UPRT: variants seen among roughly 807,000 people sequenced by gnomAD.
UPRT encodes RP11-311P8.3.
UPRT carries 5 observed loss-of-function variants against 22.6 expected under a neutral mutation model. The ratio of observed to expected loss-of-function variants is 0.22; its 90% CI spans 0.12 to 0.47. The LOEUF is 0.47. Among genes scored for constraint, UPRT ranks in the 20% least tolerant of loss-of-function variants. UPRT has a pLI of 0.99. For missense variants in UPRT, 181 were observed against 239.9 expected, an observed-to-expected ratio of 0.75 and a Z score of 1.62; for synonymous variants, 77 against 87.7, an observed-to-expected ratio of 0.88 and a Z score of 0.68.
At chrX:75,169,206 T>G (rs2082220407) in intron 4 of UPRT, among the ~76,000 whole-genome samples, 1 of 112,246 alleles carries the variant, frequency 8.9e-6, no homozygotes, top group African/African-American at 3.2e-5. Context: ...GGGTTCCATA[T>G]TTTTGCAATT....
At chrX:75,241,884 C>T (rs1410290127) in intron 4 of UPRT, among the ~76,000 whole-genome samples, 2 of 110,153 alleles carry the variant, frequency 1.8e-5, no homozygotes, top group African/African-American at 6.6e-5. Flanking sequence ...GATACAAAGG[C>T]ATAAGAATGA....
intron 4 of UPRT, among the ~76,000 whole-genome samples, chrX:75,219,342 G>A (rs772470544): frequency 8.9e-6 from 1 of 112,276 alleles, no homozygotes; most frequent in South Asian, 3.7e-4. Context: ...GTAAAGAGGT[G>A]TGAATTCCAT....
intron 4 of UPRT, among the ~76,000 whole-genome samples, chrX:75,246,289 G>A (rs1464950065): frequency 5.9e-5 from 5 of 85,440 alleles, no homozygotes; most frequent in Admixed American, 4.8e-4. Flanking sequence ...GGTGTGTGAT[G>A]TTCCCCTTCC....
At chrX:75,231,575 A>C (rs1055015605) in intron 4 of UPRT, among the ~76,000 whole-genome samples, 45 of 112,054 alleles carry the variant, frequency 4.0e-4, no homozygotes, top group African/African-American at 1.4e-3. Flanking sequence ...AGATATAGGC[A>C]TCCAAATATA....
intron 4 of UPRT, among the ~76,000 whole-genome samples, chrX:75,183,781 G>A (rs2082279396): frequency 8.9e-6 from 1 of 112,273 alleles, no homozygotes; most frequent in Non-Finnish European, 1.9e-5. Flanking sequence ...CAGTGATGAT[G>A]AGCATTTTTT....
chrX:75,213,721 A>AT (rs2082385476), intron 4 of UPRT, among the ~76,000 whole-genome samples: 1 of 112,022 alleles, frequency 8.9e-6, no homozygotes, highest in Non-Finnish European at 1.9e-5. Context: ...GCAAAAAAAA[A>AT]GTATCAGGAT....
intron 4 of UPRT, among the ~76,000 whole-genome samples, chrX:75,189,582 T>A (rs2082307604): frequency 9.0e-6 from 1 of 111,495 alleles, no homozygotes; most frequent in African/African-American, 3.3e-5. Flanking sequence ...GACAGTGGGG[T>A]GTTAAACTCT....
chrX:75,241,721 C>A (rs1458420137), intron 4 of UPRT, among the ~76,000 whole-genome samples: 1 of 111,761 alleles, frequency 8.9e-6, no homozygotes, highest in Non-Finnish European at 1.9e-5. Flanking sequence ...GCATATATAT[C>A]ATGGAATTGT....
At chrX:75,236,464 G>A (rs1254974090) in intron 4 of UPRT, among the ~76,000 whole-genome samples, 1 of 111,246 alleles carries the variant, frequency 9.0e-6, no homozygotes, top group Admixed American at 9.5e-5. Flanking sequence ...AGTTCATATG[G>A]AACCAAAAAG....
intron 4 of UPRT, among the ~76,000 whole-genome samples, chrX:75,212,761 G>A (rs2082383293): frequency 9.0e-6 from 1 of 111,133 alleles, no homozygotes; most frequent in South Asian, 3.9e-4. Flanking sequence ...GACACAGGGA[G>A]GGGAACAACA....
intron 4 of UPRT, among the ~76,000 whole-genome samples, chrX:75,255,511 C>G (rs2082546807): frequency 9.0e-6 from 1 of 111,705 alleles, no homozygotes; most frequent in African/African-American, 3.3e-5. Flanking sequence ...CCCCACATCT[C>G]AATACTAACA....
chrX:75,271,356 C>A (rs2082607487), upstream of UPRT, among the ~76,000 whole-genome samples: 2 of 111,595 alleles, frequency 1.8e-5, no homozygotes, highest in Admixed American at 1.9e-4. Context: ...ATACAGCCAA[C>A]TGATCTTCGA....
chrX:75,242,720 A>G (rs958768788), intron 4 of UPRT, among the ~76,000 whole-genome samples: 1 of 111,223 alleles, frequency 9.0e-6, no homozygotes, highest in African/African-American at 3.3e-5. Flanking sequence ...AACATATTGC[A>G]TAGAAAATAG....
chrX:75,264,498 G>C (rs1202687599), intron 4 of UPRT, among the ~76,000 whole-genome samples: 3 of 111,048 alleles, frequency 2.7e-5, no homozygotes, highest in Non-Finnish European at 5.7e-5. Flanking sequence ...TGTCTCTTTT[G>C]ATCTTTGTTG....
intron 4 of UPRT, among the ~76,000 whole-genome samples, chrX:75,235,487 A>G (rs758852883): frequency 8.9e-6 from 1 of 111,939 alleles, no homozygotes; most frequent in East Asian, 2.8e-4. Flanking sequence ...ACAACCAATA[A>G]AGAGAATTTT....
chrX:75,278,767 A>C (rs915064603), intron 1 of UPRT, among the ~76,000 whole-genome samples: 5 of 111,760 alleles, frequency 4.5e-5, no homozygotes, highest in African/African-American at 6.5e-5. Flanking sequence ...CTTGTTTAAA[A>C]GTTTAGCAAT....
upstream of UPRT, among the ~76,000 whole-genome samples, chrX:75,273,829 A>G (rs1405936045): frequency 2.7e-5 from 3 of 111,727 alleles, no homozygotes; most frequent in Non-Finnish European, 3.8e-5. Flanking sequence ...GTAACTGTGT[A>G]TCATCACCTG....
At chrX:75,180,684 TTTTTTTTTTTG>T (rs1569259991) in intron 4 of UPRT, among the ~76,000 whole-genome samples, 49 of 82,027 alleles carry the variant, frequency 6.0e-4, no homozygotes, top group African/African-American at 1.8e-3. Flanking sequence ...TTTCTCTGTT[TTTTTTTTTTTG>T]TTTTTTTTTT....
intron 2 of UPRT, among the ~76,000 whole-genome samples, chrX:75,162,229 G>T (rs1427425383): frequency 9.1e-6 from 1 of 109,356 alleles, no homozygotes; most frequent in East Asian, 2.9e-4. Context: ...TGAGATTACA[G>T]GCGTGAGCCA....
Sources: allele counts gnomAD v4.1 joint callset (sites outside exome capture counted in the v4.1 genomes callset), GRCh38; gene constraint gnomAD v4.1.1; transcripts MANE v1.5; gene names NCBI Gene and HGNC (gene_info 2026-07-23, HGNC 2026-07-21).